Variants in MMP16 observed in about 807,000 individuals in gnomAD.
The protein encoded by MMP16 is matrix metalloproteinase-16.
MMP16 carries 12 observed loss-of-function variants against 67.8 expected under a neutral mutation model. That is an observed-to-expected ratio of 0.18 (90% CI 0.11 to 0.29). MMP16 has a LOEUF of 0.29. Ranked by LOEUF, MMP16 falls within the 10% of genes least tolerant of loss-of-function variation. The pLI, the probability that MMP16 is intolerant of heterozygous loss-of-function variation, is 1.00. For synonymous variants in MMP16, 249 were observed against 255.9 expected, an observed-to-expected ratio of 0.97 and a Z score of 0.26; for missense variants, 475 against 765.7, an observed-to-expected ratio of 0.62 and a Z score of 4.48.
chr8:88,225,942 C>T (rs928571583), intron 1 of MMP16, among the ~76,000 whole-genome samples: 2 of 151,756 alleles, frequency 1.3e-5, no homozygotes, highest in Non-Finnish European at 2.9e-5. Flanking sequence ...GTAGAAATAG[C>T]GCATTCATTC....
At chr8:88,134,766 G>C (rs1229983470) in intron 4 of MMP16, among the ~76,000 whole-genome samples, 1 of 150,402 alleles carries the variant, frequency 6.6e-6, no homozygotes, top group African/African-American at 2.4e-5. Flanking sequence ...ACCTTGCTTG[G>C]CTAGACATGT....
At chr8:88,163,080 C>A (rs1337679989) in intron 4 of MMP16, among the ~76,000 whole-genome samples, 2 of 152,028 alleles carry the variant, frequency 1.3e-5, no homozygotes, top group Non-Finnish European at 2.9e-5. Context: ...GTTGGGAAGG[C>A]AAACCTTAGG....
At chr8:88,136,719 A>AT (rs1808124938) in intron 4 of MMP16, among the ~76,000 whole-genome samples, 1 of 151,792 alleles carries the variant, frequency 6.6e-6, no homozygotes, top group African/African-American at 2.4e-5. Context: ...AATTAAATTC[A>AT]TTTAACTCAT....
chr8:88,112,666 G>GGGGTGTGTGTGTGTGTGT (rs1554578643), intron 6 of MMP16, among the ~76,000 whole-genome samples: 12,034 of 146,778 alleles, frequency 0.082, 917 homozygotes, highest in African/African-American at 0.19. Flanking sequence ...AGGACAGAAG[G>GGGGTGTGTGTGTGTGTGT]GTGTGTGTGT....
At chr8:88,319,596 G>C (rs943717184) in intron 1 of MMP16, among the ~76,000 whole-genome samples, 2 of 152,138 alleles carry the variant, frequency 1.3e-5, no homozygotes, top group African/African-American at 4.8e-5. Context: ...ATTCAACTGT[G>C]AAAAGTTCCC....
At chr8:88,159,328 C>G (rs529904607) in intron 4 of MMP16, among the ~76,000 whole-genome samples, 3 of 152,192 alleles carry the variant, frequency 2.0e-5, no homozygotes, top group South Asian at 4.1e-4. Context: ...TGTTTGTGTC[C>G]TCTTCTATTT....
intron 1 of MMP16, among the ~76,000 whole-genome samples, chr8:88,228,958 G>C (rs1162196606): frequency 5.3e-5 from 8 of 151,628 alleles, no homozygotes; most frequent in Non-Finnish European, 1.2e-4. Flanking sequence ...CCCAGGAGTT[G>C]AAGACCAACC....
In MMP16 at chr8:88,033,117, T is replaced by C. The variant is rs957770901; in HGVS notation, c.*8344A>G. On this transcript the variant is annotated 3_prime_UTR_variant, in exon 10 of 10. Coordinates refer to ENST00000286614, the MANE Select transcript of MMP16 (RefSeq NM_005941.5). Reference sequence around the variant, plus strand: ...AACCACAATATAGAAAGGAAAAAATTAGTTTCACAAGAAGCTATAAAATGT... The same window carrying C: ...AACCACAATATAGAAAGGAAAAAATCAGTTTCACAAGAAGCTATAAAATGT... 1.3e-5 allele frequency: 2 copies of C among 151,956 alleles called. No homozygotes were observed. Among genetic ancestry groups the C allele is most frequent in the East Asian group, 1.9e-4 (1 of 5,188 alleles). The allele number at this position is 151,956 out of a possible 1,614,324, so 9.4% of individuals were successfully genotyped here. A position where few individuals can be genotyped will look rare whatever the true frequency, so the allele number is the denominator to read the frequency against.
At chr8:88,207,135 T>C (rs544328021) in intron 1 of MMP16, among the ~76,000 whole-genome samples, 2 of 152,306 alleles carry the variant, frequency 1.3e-5, no homozygotes, top group East Asian at 3.9e-4. Context: ...TATCATTTAC[T>C]ACCAAAAAAT....
intron 4 of MMP16, among the ~76,000 whole-genome samples, chr8:88,133,813 C>A (rs1293033766): frequency 6.6e-6 from 1 of 151,710 alleles, no homozygotes; most frequent in African/African-American, 2.4e-5. Flanking sequence ...TTATAACTAT[C>A]ATATCATCAT....
intron 1 of MMP16, among the ~76,000 whole-genome samples, chr8:88,258,084 C>T (rs1355645427): frequency 6.7e-6 from 1 of 150,156 alleles, no homozygotes; most frequent in African/African-American, 2.5e-5. Context: ...CTCGCTCTGT[C>T]ACCCAGGCTG....
Position 88,198,709 on chromosome 8 carries a change from T to TA in MMP16, c.133-1404dup, listed in dbSNP as rs58554906. On this transcript the variant is annotated intron_variant, in intron 1 of 9. Transcript: ENST00000286614. ...TACCATAAGCACATCCCCTTGAAAA[T>TA]AAAAAAAAAACCCAAAATTTATTCT... is the stretch of plus-strand genomic sequence containing the variant. 7.7e-3 allele frequency among the ~76,000 whole-genome samples: 1,130 copies of TA among 146,256 alleles called. 11 individuals are homozygous for TA. Among genetic ancestry groups the TA allele is most frequent in the African/African-American group, 0.02 (793 of 39,920 alleles).
rs1491183015 is a variant in MMP16, at chr8:88,282,081, TTG to T, written c.132+44992_132+44993del. Among the ~76,000 whole-genome samples the T allele has an allele frequency of 6.7e-3, 227 of 33,668 alleles. 4 individuals are homozygous for T. Among genetic ancestry groups the T allele is most frequent in the African/African-American group, 0.021 (197 of 9,452 alleles). 22.1% of individuals were successfully genotyped at this position (33,668 alleles called of 152,430 possible). On this transcript the variant is annotated intron_variant, in intron 1 of 9. Transcript: ENST00000286614. The stretch of plus-strand genomic sequence containing the variant: ...AAAATTCCAGATTTTTTTTTCTTTT[TTG>T]GGGGGGGGGGGGCGACGGGGTCTTG...
intron 4 of MMP16, among the ~76,000 whole-genome samples, chr8:88,158,641 T>C (rs1372299244): frequency 6.6e-6 from 1 of 152,250 alleles, no homozygotes. Flanking sequence ...TGGTAGTTTC[T>C]TTTGCTGTGC....
intron 1 of MMP16, among the ~76,000 whole-genome samples, chr8:88,248,902 T>C (rs1810162675): frequency 6.6e-6 from 1 of 152,172 alleles, no homozygotes; most frequent in African/African-American, 2.4e-5. Flanking sequence ...TAAAGAAATA[T>C]GTTCATCAAA....
At chr8:88,276,649 T>C (rs1025719649) in intron 1 of MMP16, among the ~76,000 whole-genome samples, 1 of 152,128 alleles carries the variant, frequency 6.6e-6, no homozygotes, top group African/African-American at 2.4e-5. Flanking sequence ...CCATAGCCTA[T>C]GTCATAAAAG....
intron 1 of MMP16, among the ~76,000 whole-genome samples, chr8:88,240,177 A>G (rs1034693897): frequency 2.0e-5 from 3 of 152,236 alleles, no homozygotes; most frequent in Non-Finnish European, 4.4e-5. Context: ...TTTCTGTGTC[A>G]TACTCACCTA....
At chr8:88,085,883 AAG>A (rs1310211979) in intron 6 of MMP16, among the ~76,000 whole-genome samples, 5 of 151,888 alleles carry the variant, frequency 3.3e-5, no homozygotes, top group African/African-American at 1.2e-4. Context: ...CTCAACACTG[AAG>A]AGTTTAGTGA....
chr8:88,162,685 G>A (rs1808648691), intron 4 of MMP16, among the ~76,000 whole-genome samples: 1 of 151,980 alleles, frequency 6.6e-6, no homozygotes, highest in South Asian at 2.1e-4. Context: ...GATCATTGGG[G>A]CAGATTTGCA....
Sources: allele counts gnomAD v4.1 joint callset (sites outside exome capture counted in the v4.1 genomes callset), GRCh38; gene constraint gnomAD v4.1.1; transcripts MANE v1.5; gene names NCBI Gene and HGNC (gene_info 2026-07-23, HGNC 2026-07-21).